Variants in ANKK1 observed in about 807,000 individuals in gnomAD.
The protein encoded by ANKK1 is ankyrin repeat and protein kinase domain-containing protein 1.
ANKK1 carries 37 observed loss-of-function variants against 37.6 expected under a neutral mutation model. The ratio of observed to expected loss-of-function variants is 0.98; its 90% CI spans 0.76 to 1.29. ANKK1 has a LOEUF of 1.29. Among genes scored for constraint, ANKK1 ranks in the 50% most tolerant of loss-of-function variants. ANKK1 has a pLI of 0.00. For synonymous variants in ANKK1, 415 were observed against 418.7 expected (o/e 0.99, Z 0.11); for missense variants, 1,019 against 990.6 (o/e 1.03, Z -0.39).
rs753097769 is a variant in ANKK1, at chr11:113,400,054, C to T, written c.2085C>T (p.Pro695=). 1.3e-5 allele frequency: 21 copies of T among 1,613,368 alleles called. No homozygotes were observed. The highest frequency in any genetic ancestry group is 1.2e-4 in the Admixed American group (7 of 60,012). Residue 695 remains proline (P), a synonymous_variant, in exon 8 of 8, where the codon CCC becomes CCT. Coordinates refer to ENST00000303941, the MANE Select transcript of ANKK1 (RefSeq NM_178510.2). The part of the protein sequence containing the change: ...VHARNKVGWT[P]AHLAALKGNT... Reference sequence around the variant, plus strand: ...CCCGCAACAAGGTGGGCTGGACACCCGCCCACCTGGCCGCCCTCAAGGGCA... The same window carrying T: ...CCCGCAACAAGGTGGGCTGGACACCTGCCCACCTGGCCGCCCTCAAGGGCA...
chr11:113,395,366 A>G lies in ANKK1; in HGVS notation c.640A>G (p.Ile214Val). Residue 214 changes from isoleucine to valine, a missense_variant, in exon 4 of 8, where the codon ATT becomes GTT. Ile to Val is a conservative substitution (Grantham distance 29, BLOSUM62 3). Transcript: ENST00000303941. ...GPKYDVYSFA[I>V]VIWELLTQKK... The stretch of plus-strand genomic sequence containing the variant: ...GGTTCTCTGCATCCACAGCTTTGCA[A>G]TTGTCATCTGGGAGCTACTCACTCA... 2 of 1,613,886 alleles carry G rather than the reference A, an allele frequency of 1.2e-6. No individual in the cohort carries two copies. The highest frequency in any genetic ancestry group is 1.1e-5 in the South Asian group (1 of 91,058).
At chr11:113,398,103 TC>T (rs1354961303) in intron 7 of ANKK1, 87 bp downstream of exon 7, 50 of 1,429,420 alleles carry the variant, frequency 3.5e-5, no homozygotes, top group Non-Finnish European at 8.6e-6. Flanking sequence ...CCCCCTGGCC[TC>T]CCCCTCATCC....
rs1291747123 is a variant in ANKK1, at chr11:113,393,622, G to A, written c.327G>A (p.Val109=). ...TGGCCAACGGCTCCCTGGAGAAGGT[G>A]CTGTCCACCCACAGCCTCTGCTGGA... The part of the protein sequence containing the change: ...EFMANGSLEK[V]LSTHSLCWKL... Residue 109 remains valine, a synonymous_variant, in exon 2 of 8, where the codon GTG becomes GTA. Transcript: ENST00000303941. 1.9e-6 allele frequency: 3 copies of A among 1,613,952 alleles called. No homozygotes were observed. Among genetic ancestry groups the A allele is most frequent in the African/African-American group, 2.7e-5 (2 of 75,056 alleles).
intron 1 of ANKK1, among the ~76,000 whole-genome samples, chr11:113,391,499 G>T (rs976745563): frequency 6.6e-6 from 1 of 152,108 alleles, no homozygotes; most frequent in African/African-American, 2.4e-5. Flanking sequence ...TTGGGGGAGA[G>T]GTGGTGAGAA....
chr11:113,394,759 A>G (rs778011522), intron 2 of ANKK1, 170 bp from the exon 3 acceptor site: 9 of 871,894 alleles, frequency 1.0e-5, no homozygotes, highest in Non-Finnish European at 1.7e-5. Flanking sequence ...GAAGATAAGT[A>G]ATTTGGCCAA....
intron 1 of ANKK1, among the ~76,000 whole-genome samples, chr11:113,392,964 A>G (rs979232805): frequency 1.3e-5 from 2 of 152,224 alleles, no homozygotes; most frequent in Non-Finnish European, 2.9e-5. Flanking sequence ...GTAAAAGGAT[A>G]TACTAAAATA....
rs1950566410 is a variant in ANKK1 at position 113,388,756 on chromosome 11, C to T, written c.185+687C>T. On this transcript the variant is annotated intron_variant, in intron 1 of 7. Coordinates refer to ENST00000303941, the MANE Select transcript of ANKK1 (RefSeq NM_178510.2). ...TCTTCCTACCTCTTTCCTACGTTTC[C>T]ATTATTCTCTGTCTTCCCACTGATT... 2.0e-5 allele frequency among the ~76,000 whole-genome samples: 3 copies of T among 152,212 alleles called. No individual in the cohort carries two copies. In the South Asian group the frequency reaches 6.2e-4, roughly 32 times the overall value.
rs749549783 is a variant in ANKK1, at chr11:113,395,385, T to C, written c.659T>C (p.Leu220Pro). Reference sequence around the variant, plus strand: ...TTTGCAATTGTCATCTGGGAGCTACTCACTCAGAAGAAACCATACTCAGGT... The same window carrying C: ...TTTGCAATTGTCATCTGGGAGCTACCCACTCAGAAGAAACCATACTCAGGT... ...YSFAIVIWELLTQKKPYSGFN... is the reference protein window; with the variant it reads ...YSFAIVIWELPTQKKPYSGFN... Residue 220 changes from leucine to proline, a missense_variant, in exon 4 of 8, where the codon CTC (leucine) becomes CCC (proline). Leu to Pro is a moderately conservative substitution (Grantham distance 98). Coordinates refer to ENST00000303941, the MANE Select transcript of ANKK1 (RefSeq NM_178510.2). 2.5e-6 allele frequency: 4 copies of C among 1,613,922 alleles called. No individual in the cohort carries two copies. In the Admixed American group the frequency reaches 6.7e-5, roughly 27 times the overall value.
At chr11:113,398,314 TA>T (rs10585601) in intron 7 of ANKK1, among the ~76,000 whole-genome samples, 52,112 of 128,136 alleles carry the variant, frequency 0.41, 10,481 homozygotes, top group Non-Finnish European at 0.5. Flanking sequence ...CTCGGGAAAT[TA>T]AAAAAAAAAA....
rs745709446 is a variant in ANKK1 at position 113,396,191 on chromosome 11, C to G, written c.807C>G (p.Asp269Glu). The G allele has an allele frequency of 6.2e-6, 10 of 1,613,842 alleles. No homozygotes were observed. In the South Asian group the frequency reaches 7.7e-5, roughly 12 times the overall value. The change falls in exon 5 of 8, where the codon GAC becomes GAG. Residue 269 changes from aspartate (D) to glutamate (E), a missense_variant. Coordinates refer to ENST00000303941, the MANE Select transcript of ANKK1 (RefSeq NM_178510.2). Reference protein sequence around the residue: ...QMVDLMKRCWDQDPKKRPCFL... With the variant: ...QMVDLMKRCWEQDPKKRPCFL... Reference sequence around the variant, plus strand: ...TGGACCTGATGAAACGCTGCTGGGACCAGGACCCCAAGAAGAGGCCATGCT... The same window carrying G: ...TGGACCTGATGAAACGCTGCTGGGAGCAGGACCCCAAGAAGAGGCCATGCT...
intron 1 of ANKK1, among the ~76,000 whole-genome samples, chr11:113,391,333 G>A (rs1372221665): frequency 2.6e-5 from 4 of 152,200 alleles, no homozygotes; most frequent in African/African-American, 9.6e-5. Flanking sequence ...AAGAACTTTG[G>A]CTTTTACTGT....
intron 2 of ANKK1, 102 bp from the exon 3 acceptor site, chr11:113,394,827 C>T (rs1444411881): frequency 6.7e-7 from 1 of 1,497,622 alleles, no homozygotes; most frequent in East Asian, 2.4e-5. Context: ...AACCACTACT[C>T]TACCCTGGAA....
At chr11:113,394,046 T>C (rs936707245) in intron 2 of ANKK1, among the ~76,000 whole-genome samples, 1 of 152,218 alleles carries the variant, frequency 6.6e-6, no homozygotes, top group Admixed American at 6.5e-5. Context: ...CCCTGCACTT[T>C]CTTTTATTTG....
At chr11:113,389,336 A>G (rs1950571017) in intron 1 of ANKK1, among the ~76,000 whole-genome samples, 3 of 152,192 alleles carry the variant, frequency 2.0e-5, no homozygotes, top group Admixed American at 2.0e-4. Flanking sequence ...ATGGATTACT[A>G]TACTAGGAGC....
chr11:113,398,134 A>G (rs1170300231), intron 7 of ANKK1, 118 bp downstream of exon 7: 5 of 1,227,254 alleles, frequency 4.1e-6, no homozygotes, highest in Middle Eastern at 4.9e-4. Context: ...TCACACATCC[A>G]GGGTTTAGGT....
intron 1 of ANKK1, among the ~76,000 whole-genome samples, chr11:113,390,919 G>C (rs1950582519): frequency 6.6e-6 from 1 of 152,174 alleles, no homozygotes; most frequent in African/African-American, 2.4e-5. Flanking sequence ...GACAGTTCTT[G>C]ATTAAAATAT....
chr11:113,396,094 G>A lies in ANKK1; in HGVS notation c.710G>A (p.Arg237Gln), dbSNP rs199582150. Reference sequence around the variant, plus strand: ...TTCAACATGATGATGATTATTATCCGAGTGGCGGCAGGCATGCGGCCCTCC... The same window carrying A: ...TTCAACATGATGATGATTATTATCCAAGTGGCGGCAGGCATGCGGCCCTCC... The part of the protein sequence containing the change: ...SGFNMMMIII[R>Q]VAAGMRPSLQ... The change falls in exon 5 of 8, where the codon CGA becomes CAA. Residue 237 changes from arginine to glutamine, a missense_variant. Physicochemically the swap from Arg to Gln is conservative, Grantham distance 43. Coordinates refer to ENST00000303941, the MANE Select transcript of ANKK1 (RefSeq NM_178510.2). 2.8e-4 allele frequency: 447 copies of A among 1,613,846 alleles called. No individual in the cohort carries two copies. Among genetic ancestry groups the A allele is most frequent in the Non-Finnish European group, 3.5e-4 (410 of 1,179,906 alleles).
At chr11:113,395,223 A>G in intron 3 of ANKK1, 136 bp from the exon 4 acceptor site, 1 of 1,484,064 alleles carries the variant, frequency 6.7e-7, no homozygotes, top group Non-Finnish European at 9.2e-7. Context: ...GGAGAGGCAG[A>G]GGGCTGGGGA....
intron 1 of ANKK1, among the ~76,000 whole-genome samples, chr11:113,391,083 T>C (rs1273061749): frequency 2.6e-5 from 4 of 152,112 alleles, no homozygotes; most frequent in Non-Finnish European, 5.9e-5. Flanking sequence ...TAGGTACCAT[T>C]TGAGTAGAGA....
Sources: gnomAD v4.1 joint callset for allele counts (sites outside exome capture counted in the v4.1 genomes callset) on GRCh38, gnomAD v4.1.1 for gene constraint, MANE v1.5 for transcripts, NCBI Gene and HGNC (gene_info 2026-07-23, HGNC 2026-07-21) for gene names.